The following CAST variants were observed in gnomAD, a reference collection of about 807,000 sequenced individuals.
CAST encodes calpastatin, also known as MIR583 host.
In CAST, 76 loss-of-function variants were observed where a neutral mutation model predicts 119.6. The ratio of observed to expected loss-of-function variants is 0.64; its 90% CI spans 0.53 to 0.77. CAST has a LOEUF of 0.77. Among genes scored for constraint, CAST ranks in the 30% least tolerant of loss-of-function variants. CAST has a pLI of 0.00. For synonymous variants in CAST, 319 were observed against 331.6 expected (o/e 0.96, Z 0.41); for missense variants, 953 against 946.5 (o/e 1.01, Z -0.09).
the CAST span, among the ~76,000 whole-genome samples, chr5:96,170,063 T>C: frequency 3.5e-4 from 54 of 152,222 alleles, no homozygotes; most frequent in South Asian, 7.9e-3. Flanking sequence ...AAGAAGGGTA[T>C]GGACTTACCC....
the CAST span, among the ~76,000 whole-genome samples, chr5:96,049,911 A>G: frequency 2.7e-5 from 4 of 149,258 alleles, no homozygotes; most frequent in African/African-American, 9.8e-5. Context: ...AAAAAAAAAA[A>G]AAAAAAGAAA....
intron 1 of CAST, among the ~76,000 whole-genome samples, chr5:96,663,699 T>G (rs1001289520): frequency 5.3e-5 from 8 of 151,898 alleles, no homozygotes; most frequent in African/African-American, 1.9e-4. Context: ...CCAAGACCCT[T>G]GGAGAGAGCG....
the CAST span, among the ~76,000 whole-genome samples, chr5:95,988,347 A>G: frequency 4.6e-5 from 7 of 152,206 alleles, no homozygotes; most frequent in East Asian, 1.4e-3. Flanking sequence ...TACCACAGGC[A>G]GTATACAATG....
intron 10 of CAST, among the ~76,000 whole-genome samples, chr5:96,736,676 CA>C (rs144559103): frequency 0.26 from 37,714 of 145,908 alleles, 5,216 homozygotes; most frequent in Non-Finnish European, 0.33. Flanking sequence ...ATGGTAGTTG[CA>C]AAAAAAAAAG....
chr5:96,183,803 G>A, the CAST span, among the ~76,000 whole-genome samples: 1 of 152,034 alleles, frequency 6.6e-6, no homozygotes, highest in Non-Finnish European at 1.5e-5. Flanking sequence ...ACATTCCCTT[G>A]TTCTTTAATC....
chr5:96,343,177 A>G, the CAST span, among the ~76,000 whole-genome samples: 1 of 152,210 alleles, frequency 6.6e-6, no homozygotes, highest in Admixed American at 6.5e-5. Flanking sequence ...TCACTAAAAA[A>G]AAACACATTT....
the CAST span, among the ~76,000 whole-genome samples, chr5:96,291,596 C>A: frequency 2.0e-5 from 3 of 152,070 alleles, no homozygotes; most frequent in Non-Finnish European, 2.9e-5. Context: ...TTAACTCATT[C>A]ATTTCTCTCT....
At chr5:95,995,911 G>A in the CAST span, among the ~76,000 whole-genome samples, 405 of 152,242 alleles carry the variant, frequency 2.7e-3, 2 homozygotes, top group Non-Finnish European at 4.3e-3. Context: ...CCTAGGTTCT[G>A]GAGATAGTCT....
chr5:96,770,982 C>G (rs1334079941), intron 30 of CAST, among the ~76,000 whole-genome samples: 2 of 152,104 alleles, frequency 1.3e-5, no homozygotes, highest in African/African-American at 4.8e-5. Context: ...TAGACAACTT[C>G]TAGGTCCCTT....
the CAST span, among the ~76,000 whole-genome samples, chr5:95,970,554 T>A: frequency 6.6e-6 from 1 of 152,316 alleles, no homozygotes; most frequent in South Asian, 2.1e-4. Context: ...AACATTTCAG[T>A]TTGATCCTAG....
the CAST span, among the ~76,000 whole-genome samples, chr5:96,177,518 C>T: frequency 6.6e-6 from 1 of 152,162 alleles, no homozygotes; most frequent in Non-Finnish European, 1.5e-5. Context: ...CACTTTTGCT[C>T]ATATAGCAAG....
chr5:96,027,885 G>C, the CAST span, among the ~76,000 whole-genome samples: 43 of 152,210 alleles, frequency 2.8e-4, no homozygotes, highest in Middle Eastern at 6.8e-3. Flanking sequence ...CGACCTGCCT[G>C]TTAGAAGATG....
At chr5:96,694,788 T>C (rs1418514307) in intron 2 of CAST, among the ~76,000 whole-genome samples, 2 of 152,198 alleles carry the variant, frequency 1.3e-5, no homozygotes, top group Non-Finnish European at 2.9e-5. Context: ...TTATTTTCTT[T>C]TTCTCAATTA....
At chr5:96,482,778 G>A in the CAST span, among the ~76,000 whole-genome samples, 1 of 152,100 alleles carries the variant, frequency 6.6e-6, no homozygotes, top group Admixed American at 6.6e-5. Flanking sequence ...ACTACAATCT[G>A]ATGGATGAAG....
chr5:96,625,572 C>T (rs943799777), intron 1 of CAST, among the ~76,000 whole-genome samples: 1 of 152,140 alleles, frequency 6.6e-6, no homozygotes, highest in African/African-American at 2.4e-5. Context: ...AAAAGGGAAA[C>T]CAATTTTAAA....
At chr5:96,332,775 G>A in the CAST span, among the ~76,000 whole-genome samples, 123 of 152,230 alleles carry the variant, frequency 8.1e-4, no homozygotes, top group Non-Finnish European at 1.5e-3. Flanking sequence ...AGGACCTGCC[G>A]AGCTGTCCCA....
At chr5:96,620,423 A>G (rs576746289) in intron 1 of CAST, among the ~76,000 whole-genome samples, 1 of 151,904 alleles carries the variant, frequency 6.6e-6, no homozygotes, top group South Asian at 2.1e-4. Flanking sequence ...AGTATGCTTC[A>G]TGATCTTTCT....
chr5:96,662,251 AG>A, upstream of CAST: 1 of 759,216 alleles, frequency 1.3e-6, no homozygotes, highest in Non-Finnish European at 1.9e-6. Context: ...CATCGGGGCT[AG>A]GGGAACCCCG....
intron 1 of CAST, among the ~76,000 whole-genome samples, chr5:96,572,613 A>C (rs1482212531): frequency 6.6e-6 from 1 of 152,226 alleles, no homozygotes; most frequent in East Asian, 1.9e-4. Context: ...GAAATGATTT[A>C]ATGACGCTTT....
Sources: gnomAD v4.1 joint callset for allele counts (sites outside exome capture counted in the v4.1 genomes callset) on GRCh38, gnomAD v4.1.1 for gene constraint, MANE v1.5 for transcripts, NCBI Gene and HGNC (gene_info 2026-07-23, HGNC 2026-07-21) for gene names.